The following USP32 variants were observed in gnomAD, a reference collection of about 807,000 sequenced individuals.
USP32 encodes ubiquitin carboxyl-terminal hydrolase 32.
A neutral mutation model predicts 204.8 loss-of-function variants in USP32; 59 were observed. The ratio of observed to expected loss-of-function variants is 0.29; its 90% CI spans 0.23 to 0.36. The LOEUF (loss-of-function observed/expected upper bound fraction) is 0.36. Ranked by LOEUF, USP32 falls within the 10% of genes least tolerant of loss-of-function variation. USP32 has a pLI of 1.00. For missense variants in USP32, 1,160 were observed against 1,946.4 expected, an observed-to-expected ratio of 0.60 and a Z score of 7.60; for synonymous variants, 517 against 678.4, an observed-to-expected ratio of 0.76 and a Z score of 3.70.
chr17:60,353,087 A>G (rs949851226), intron 1 of USP32, among the ~76,000 whole-genome samples: 1 of 152,332 alleles, frequency 6.6e-6, no homozygotes, highest in East Asian at 1.9e-4. Flanking sequence ...AAGCCCTAAC[A>G]CACAGTGTGG....
chr17:60,184,898 T>C (rs1485525444), intron 30 of USP32, among the ~76,000 whole-genome samples: 2 of 152,026 alleles, frequency 1.3e-5, no homozygotes, highest in African/African-American at 2.4e-5. Flanking sequence ...ATAGGAAGAT[T>C]TGTCACTTCA....
At position 60,181,676 on chromosome 17, in the gene USP32, G is replaced by C; in HGVS notation, c.4196C>G (p.Pro1399Arg). The C allele has an allele frequency of 6.2e-7, 1 of 1,613,198 alleles. No homozygotes were observed. Among genetic ancestry groups the C allele is most frequent in the South Asian group, 1.1e-5 (1 of 91,030 alleles). Residue 1399 changes from proline (P) to arginine (R), a missense_variant, in exon 32 of 34, where the codon CCA (proline) becomes CGA (arginine). Pro to Arg is a moderately radical substitution (Grantham distance 103). This residue lies in a region of USP32 where 244 missense variants were observed against 342.3 expected (regional missense o/e 0.71). Transcript: ENST00000300896. ...SSKNSSPNSS[P>R]RTLGRSKGRL... is the part of the protein sequence containing the mutation. ...CCCTTTGCTCCTCCCCAAAGTCCGTGGGCTGCTATTAGGGCTGCTGTTTTT... is the reference window on the plus strand; with the variant it reads ...CCCTTTGCTCCTCCCCAAAGTCCGTCGGCTGCTATTAGGGCTGCTGTTTTT...
intron 16 of USP32, among the ~76,000 whole-genome samples, chr17:60,215,892 GTC>G (rs946666737): frequency 1.3e-5 from 2 of 152,022 alleles, no homozygotes; most frequent in African/African-American, 4.8e-5. Context: ...TAGAGACAGG[GTC>G]TCTCTATGTT....
chr17:60,417,027 C>T (rs903425051), intron 1 of USP32, among the ~76,000 whole-genome samples: 1 of 151,554 alleles, frequency 6.6e-6, no homozygotes, highest in Non-Finnish European at 1.5e-5. Flanking sequence ...AAGCCATTCT[C>T]CTGCCTCAGC....
chr17:60,292,096 G>T (rs138812926), intron 4 of USP32, among the ~76,000 whole-genome samples: 475 of 151,838 alleles, frequency 3.1e-3, no homozygotes, highest in Non-Finnish European at 5.3e-3. Flanking sequence ...GACCTTCCAG[G>T]GTATTTGACA....
At chr17:60,400,524 C>T (rs1367723608) in intron 1 of USP32, among the ~76,000 whole-genome samples, 1 of 152,204 alleles carries the variant, frequency 6.6e-6, no homozygotes, top group African/African-American at 2.4e-5. Flanking sequence ...AATTGCTACT[C>T]ACTGAGATGA....
intron 29 of USP32, 22 bp downstream of exon 29, chr17:60,190,541 T>C (rs1167504719): frequency 2.6e-6 from 4 of 1,528,468 alleles, no homozygotes. Flanking sequence ...ACCACCATTT[T>C]ATGGTGGCCC....
intron 11 of USP32, among the ~76,000 whole-genome samples, chr17:60,241,803 T>C (rs960028561): frequency 6.6e-6 from 1 of 152,226 alleles, no homozygotes; most frequent in African/African-American, 2.4e-5. Context: ...AAATATTTTC[T>C]CTAGGGCTGT....
chr17:60,183,284 G>A lies in USP32; in HGVS notation c.4004C>T (p.Pro1335Leu). The change falls in exon 31 of 34, where the codon CCC becomes CTC. Residue 1335 changes from proline (P) to leucine (L), a missense_variant. This residue lies in a region of USP32 where 244 missense variants were observed against 342.3 expected (regional missense o/e 0.71). Transcript: ENST00000300896. ...CTTCACCTCCCTTGCCAGAATCCTG[G>A]GCTCAGAGAGCTCATCCCCCTGGGG... Reference protein sequence around the residue: ...LTPQGDELSEPRILAREVKKV... With the variant: ...LTPQGDELSELRILAREVKKV... 6.2e-7 allele frequency: 1 copy of A among 1,613,932 alleles called. No individual in the cohort carries two copies. Among genetic ancestry groups the A allele is most frequent in the Non-Finnish European group, 8.5e-7 (1 of 1,179,862 alleles).
At chr17:60,193,377 A>G (rs1890900495) in intron 27 of USP32, among the ~76,000 whole-genome samples, 1 of 152,240 alleles carries the variant, frequency 6.6e-6, no homozygotes, top group African/African-American at 2.4e-5. Flanking sequence ...GATGTGGTAC[A>G]TGCTAAGTAC....
intron 7 of USP32, among the ~76,000 whole-genome samples, chr17:60,266,529 C>T (rs1288290438): frequency 1.3e-5 from 2 of 152,166 alleles, no homozygotes; most frequent in Non-Finnish European, 2.9e-5. Context: ...CGCTCTGTCG[C>T]CCAGGCTAGA....
At chr17:60,296,367 T>TAA (rs1444869430) in intron 3 of USP32, among the ~76,000 whole-genome samples, 2 of 152,132 alleles carry the variant, frequency 1.3e-5, no homozygotes, top group African/African-American at 4.8e-5. Flanking sequence ...ACTGGTGCCC[T>TAA]TATAAGAAGA....
chr17:60,189,727 A>T (rs1329619253), intron 29 of USP32, among the ~76,000 whole-genome samples: 2 of 152,184 alleles, frequency 1.3e-5, no homozygotes, highest in Non-Finnish European at 2.9e-5. Context: ...CCAAAATGGA[A>T]ACATTTCAAT....
intron 4 of USP32, among the ~76,000 whole-genome samples, chr17:60,289,169 G>A (rs929524918): frequency 2.0e-5 from 3 of 151,982 alleles, no homozygotes; most frequent in African/African-American, 4.8e-5. Context: ...CACCACGCCC[G>A]GCTAATTTTT....
intron 9 of USP32, among the ~76,000 whole-genome samples, chr17:60,263,060 C>T (rs2086492834): frequency 6.6e-6 from 1 of 152,012 alleles, no homozygotes; most frequent in African/African-American, 2.4e-5. Flanking sequence ...ATGATCCTCT[C>T]GCCTCAGCCT....
intron 5 of USP32, among the ~76,000 whole-genome samples, chr17:60,276,081 T>A (rs748166995): frequency 1.3e-5 from 2 of 152,134 alleles, no homozygotes; most frequent in Admixed American, 6.6e-5. Context: ...GGGATCTAAT[T>A]TTTAAAATAT....
rs116287261 is a variant in USP32, at chr17:60,240,863, G to A, written c.1137-4623C>T. On this transcript the variant is annotated intron_variant, in intron 11 of 33. Coordinates refer to ENST00000300896, the MANE Select transcript of USP32 (RefSeq NM_032582.4). ...CCAGGTGACTGCAGGTGGCTGGCTC[G>A]TTTGCCTTACAGAACTTCTGACGAA... Among the ~76,000 whole-genome samples, 277 of 152,204 alleles carry A rather than the reference G, an allele frequency of 1.8e-3. 2 individuals are homozygous for A. The highest frequency in any genetic ancestry group is 5.5e-3 in the African/African-American group (230 of 41,516).
chr17:60,184,539 T>C (rs1429843884), intron 30 of USP32, among the ~76,000 whole-genome samples: 1 of 152,142 alleles, frequency 6.6e-6, no homozygotes, highest in Non-Finnish European at 1.5e-5. Context: ...CTGGGCACGG[T>C]GGCTCACGCC....
intron 26 of USP32, among the ~76,000 whole-genome samples, chr17:60,199,863 T>A (rs147698068): frequency 6.6e-6 from 1 of 152,342 alleles, no homozygotes; most frequent in East Asian, 1.9e-4. Context: ...CAGTTACTAC[T>A]GAGATAAATT....
Sources: gnomAD v4.1 joint callset for allele counts (sites outside exome capture counted in the v4.1 genomes callset) on GRCh38, gnomAD v4.1.1 for gene constraint, gnomAD v4.1.1 regional missense constraint, MANE v1.5 for transcripts, NCBI Gene and HGNC (gene_info 2026-07-23, HGNC 2026-07-21) for gene names.